Variants in EPHA7 observed in about 807,000 individuals in gnomAD.
The protein encoded by EPHA7 is EPH receptor A7, also known as ephrin type-A receptor 7.
EPHA7 carries 25 observed loss-of-function variants against 112.6 expected under a neutral mutation model. That is an observed-to-expected ratio of 0.22 (90% confidence interval 0.16 to 0.31). The LOEUF (loss-of-function observed/expected upper bound fraction) is 0.31. Ranked by LOEUF, EPHA7 falls within the 10% of genes least tolerant of loss-of-function variation. The pLI, the probability that EPHA7 is intolerant of heterozygous loss-of-function variation, is 1.00. For missense variants in EPHA7, 962 were observed against 1,212.6 expected (o/e 0.79, Z 3.07); for synonymous variants, 437 against 406.5 (o/e 1.07, Z -0.90).
chr6:93,387,924 CAGATAGATAGAT>C (rs200554873), intron 3 of EPHA7, among the ~76,000 whole-genome samples: 5,565 of 145,656 alleles, frequency 0.038, 129 homozygotes, highest in South Asian at 0.08. Flanking sequence ...GATAGATAGA[CAGATAGATAGAT>C]AGATAGATAG....
chr6:93,268,922 G>A (rs1488880794), intron 7 of EPHA7, among the ~76,000 whole-genome samples: 1 of 151,656 alleles, frequency 6.6e-6, no homozygotes, highest in Non-Finnish European at 1.5e-5. Context: ...AGATTCCTTA[G>A]TATGCATGAA....
At chr6:93,251,915 C>A (rs772879026) in intron 14 of EPHA7, among the ~76,000 whole-genome samples, 20 of 151,846 alleles carry the variant, frequency 1.3e-4, no homozygotes, top group Non-Finnish European at 2.2e-4. Context: ...TAACTGAATC[C>A]GACTGTTTCC....
At chr6:93,274,206 C>T (rs928412605) in intron 5 of EPHA7, among the ~76,000 whole-genome samples, 2 of 151,822 alleles carry the variant, frequency 1.3e-5, no homozygotes, top group Admixed American at 6.6e-5. Flanking sequence ...CTGTGATTTT[C>T]AGTATAAGTC....
intron 5 of EPHA7, among the ~76,000 whole-genome samples, chr6:93,338,750 C>T (rs1774996740): frequency 6.6e-6 from 1 of 151,486 alleles, no homozygotes; most frequent in African/African-American, 2.4e-5. Flanking sequence ...CAATTTTCCC[C>T]TTTAAAATAA....
chr6:93,297,608 G>C (rs188661513), intron 5 of EPHA7, among the ~76,000 whole-genome samples: 1 of 152,068 alleles, frequency 6.6e-6, no homozygotes, highest in African/African-American at 2.4e-5. Flanking sequence ...AACCAAAGAA[G>C]AATTTTGAGA....
intron 2 of EPHA7, among the ~76,000 whole-genome samples, chr6:93,413,387 A>G (rs1469152832): frequency 6.6e-6 from 1 of 151,950 alleles, no homozygotes; most frequent in Non-Finnish European, 1.5e-5. Flanking sequence ...TGGATGAAAT[A>G]CTACAATCAT....
At chr6:93,350,145 A>C (rs2127935820) in intron 5 of EPHA7, among the ~76,000 whole-genome samples, 1 of 152,128 alleles carries the variant, frequency 6.6e-6, no homozygotes, top group Non-Finnish European at 1.5e-5. Flanking sequence ...AGTTTCTTGA[A>C]GAAAGATAAT....
intron 3 of EPHA7, among the ~76,000 whole-genome samples, chr6:93,392,122 A>G (rs1777940568): frequency 6.6e-6 from 1 of 151,988 alleles, no homozygotes; most frequent in Non-Finnish European, 1.5e-5. Context: ...GGATTCTTTC[A>G]CAACTGCTGA....
intron 5 of EPHA7, among the ~76,000 whole-genome samples, chr6:93,301,329 G>A (rs908243334): frequency 1.3e-5 from 2 of 152,040 alleles, no homozygotes; most frequent in Non-Finnish European, 1.5e-5. Context: ...AATTGAGATA[G>A]ATATCTATTA....
At chr6:93,251,116 AC>A (rs1306185645) in intron 14 of EPHA7, among the ~76,000 whole-genome samples, 4 of 151,998 alleles carry the variant, frequency 2.6e-5, no homozygotes, top group African/African-American at 9.7e-5. Context: ...CAATAACATG[AC>A]CCACATTTTA....
chr6:93,315,617 G>A (rs909427836), intron 5 of EPHA7, among the ~76,000 whole-genome samples: 18 of 152,230 alleles, frequency 1.2e-4, no homozygotes, highest in Admixed American at 2.0e-4. Context: ...TGTAACATTA[G>A]TGTTACTCTT....
intron 3 of EPHA7, among the ~76,000 whole-genome samples, chr6:93,364,086 TA>T (rs1219428306): frequency 6.6e-6 from 1 of 152,202 alleles, no homozygotes; most frequent in Non-Finnish European, 1.5e-5. Context: ...ATAAGGCTTA[TA>T]TTTGGGGTAA....
intron 2 of EPHA7, among the ~76,000 whole-genome samples, chr6:93,411,832 A>G (rs1778990501): frequency 6.6e-6 from 1 of 152,098 alleles, no homozygotes; most frequent in Non-Finnish European, 1.5e-5. Context: ...TTATAAATAA[A>G]TTGCTTTCAA....
intron 3 of EPHA7, among the ~76,000 whole-genome samples, chr6:93,374,612 G>C (rs1220338159): frequency 2.0e-5 from 3 of 152,124 alleles, no homozygotes; most frequent in African/African-American, 7.2e-5. Flanking sequence ...TTGTATCTGT[G>C]AATGCATATG....
intron 5 of EPHA7, among the ~76,000 whole-genome samples, chr6:93,287,564 C>T (rs1293692751): frequency 6.7e-6 from 1 of 150,326 alleles, no homozygotes; most frequent in Non-Finnish European, 1.5e-5. Context: ...TTCAAGGGTA[C>T]CTGTGCAGGT....
At position 93,333,739 on chromosome 6, in the gene EPHA7, A is replaced by G. The variant is rs189603910; in HGVS notation, c.1324+22978T>C. ...AGGATTGTTTAATACTGCAAACTAG[A>G]CAGGTGAAAGATCTGTACAATGAGA... On this transcript the variant is annotated intron_variant, in intron 5 of 16. Coordinates refer to ENST00000369303, the MANE Select transcript of EPHA7 (RefSeq NM_004440.4). Among the ~76,000 whole-genome samples the G allele has an allele frequency of 3.3e-4, 50 of 151,940 alleles. 1 individual carries two copies. The highest frequency in any genetic ancestry group is 1.2e-3 in the African/African-American group (49 of 41,508).
chr6:93,241,243 A>G lies in EPHA7; in HGVS notation c.*2183T>C, dbSNP rs1295572993. The G allele has an allele frequency of 1.4e-5, 3 of 219,430 alleles. No individual in the cohort carries two copies. The highest frequency in any genetic ancestry group is 5.8e-5 in the Admixed American group (1 of 17,354). The allele number at this position is 219,430 out of a possible 1,614,324, so 13.6% of individuals were successfully genotyped here. On this transcript the variant is annotated 3_prime_UTR_variant, in exon 17 of 17. Transcript: ENST00000369303. Reference sequence around the variant, plus strand: ...ATAAGCACCTTAAGCTATGAACAAGAAAAGAACTTCATTATTAGTGAGTCT... The same window carrying G: ...ATAAGCACCTTAAGCTATGAACAAGGAAAGAACTTCATTATTAGTGAGTCT...
At chr6:93,272,596 T>C (rs1207281065) in intron 5 of EPHA7, among the ~76,000 whole-genome samples, 174 bp from the exon 6 acceptor site, 2 of 151,916 alleles carry the variant, frequency 1.3e-5, no homozygotes, top group African/African-American at 4.8e-5. Flanking sequence ...CTTATTACTG[T>C]TCATAAACCT....
At chr6:93,270,952 T>C (rs1771188102) in intron 6 of EPHA7, among the ~76,000 whole-genome samples, 1 of 151,792 alleles carries the variant, frequency 6.6e-6, no homozygotes, top group African/African-American at 2.4e-5. Context: ...GATTTGAACA[T>C]ATTTATTCTA....
Sources: allele counts gnomAD v4.1 joint callset (sites outside exome capture counted in the v4.1 genomes callset), GRCh38; gene constraint gnomAD v4.1.1; transcripts MANE v1.5; gene names NCBI Gene and HGNC (gene_info 2026-07-23, HGNC 2026-07-21).